PGR: variants seen among roughly 807,000 people sequenced by gnomAD.
PGR encodes the protein nuclear receptor subfamily 3 group C member 3.
A neutral mutation model predicts 76.1 loss-of-function variants in PGR; 25 were observed. The ratio of observed to expected loss-of-function variants is 0.33; its 90% CI spans 0.24 to 0.46. The LOEUF (loss-of-function observed/expected upper bound fraction) is 0.46. Ranked by LOEUF, PGR falls within the 20% of genes least tolerant of loss-of-function variation. PGR has a pLI of 1.00. For synonymous variants in PGR, 579 were observed against 535.0 expected, an observed-to-expected ratio of 1.08 and a Z score of -1.14; for missense variants, 1,172 against 1,225.3, an observed-to-expected ratio of 0.96 and a Z score of 0.65.
Position 101,085,525 on chromosome 11 carries a change from T to TAAAAAAA in PGR, c.1906+6228_1906+6234dup, listed in dbSNP as rs1212568882. Among the ~76,000 whole-genome samples, 187 of 42,240 alleles carry TAAAAAAA rather than the reference T, an allele frequency of 4.4e-3. 1 individual carries two copies. The highest frequency in any genetic ancestry group is 5.8e-3 in the Non-Finnish European group (148 of 25,722). 27.7% of individuals were successfully genotyped at this position (42,240 alleles called of 152,430 possible). On this transcript the variant is annotated intron_variant, in intron 3 of 7. Transcript: ENST00000325455. Reference sequence around the variant, plus strand: ...GACCTAACATCACACCTAGAGGAACTAAAAAAAAAAAAAAAAAAAAAAAAA... The same window carrying TAAAAAAA: ...GACCTAACATCACACCTAGAGGAACTAAAAAAAAAAAAAAAAAAAAAAAAAAAAAAAA...
At chr11:101,110,056 C>CT (rs1458868188) in intron 2 of PGR, among the ~76,000 whole-genome samples, 1 of 152,156 alleles carries the variant, frequency 6.6e-6, no homozygotes, top group Non-Finnish European at 1.5e-5. Context: ...TTTAAGCCCA[C>CT]TGTTGAGACC....
chr11:101,058,668 CCT>C (rs1214285215), intron 4 of PGR, among the ~76,000 whole-genome samples: 1 of 152,094 alleles, frequency 6.6e-6, no homozygotes, highest in East Asian at 1.9e-4. Flanking sequence ...CCTCATACCC[CCT>C]CTGTCACATC....
intron 6 of PGR, among the ~76,000 whole-genome samples, chr11:101,046,183 T>G (rs1859873336): frequency 6.6e-6 from 1 of 151,166 alleles, no homozygotes; most frequent in African/African-American, 2.4e-5. Flanking sequence ...AGGAGTACAG[T>G]GGCACAATCA....
Position 101,065,287 on chromosome 11 carries a change from C to A in PGR, c.1907-2535G>T, listed in dbSNP as rs113280605. Among the ~76,000 whole-genome samples the A allele has an allele frequency of 3.6e-3, 526 of 146,692 alleles. 3 individuals carry two copies. Among genetic ancestry groups the A allele is most frequent in the African/African-American group, 0.013 (505 of 39,566 alleles). On this transcript the variant is annotated intron_variant, in intron 3 of 7. Coordinates refer to ENST00000325455, the MANE Select transcript of PGR (RefSeq NM_000926.4). ...TAAGTTATTAAAGTAGTTGTTTTGA[C>A]CTAACATAGCTTAAAAAAGAATATG... is the stretch of plus-strand genomic sequence containing the variant.
intron 3 of PGR, among the ~76,000 whole-genome samples, chr11:101,077,581 AAAT>A (rs1336674456): frequency 6.6e-6 from 1 of 152,224 alleles, no homozygotes; most frequent in Non-Finnish European, 1.5e-5. Flanking sequence ...TGAGTCTAGA[AAAT>A]AATAAATGCT....
chr11:101,041,520 A>G (rs1859693643), intron 7 of PGR: 1 of 165,008 alleles, frequency 6.1e-6, no homozygotes, highest in Non-Finnish European at 1.3e-5. Context: ...AAAGCATGCA[A>G]ATTTTAACTT....
intron 7 of PGR, among the ~76,000 whole-genome samples, chr11:101,039,797 T>C (rs549296809): frequency 1.3e-5 from 2 of 152,112 alleles, no homozygotes; most frequent in East Asian, 1.9e-4. Context: ...GCAGCATCAA[T>C]AGAGCCTAGC....
rs939081513 is a variant in PGR at position 101,034,197 on chromosome 11, G to A, written c.*4919C>T. The A allele has an allele frequency of 1.4e-4, 31 of 223,408 alleles. No homozygotes were observed. The highest frequency in any genetic ancestry group is 1.4e-3 in the Middle Eastern group (1 of 736). The allele number at this position is 223,408 out of a possible 1,614,324, so 13.8% of individuals were successfully genotyped here. On this transcript the variant is annotated 3_prime_UTR_variant, in exon 8 of 8. Transcript: ENST00000325455. ...GAGTGGAAAAAAAGCAAACAAACCT[G>A]TGTTTAACAATAAGGTCAGCATGAC...
chr11:101,061,651 T>C (rs1860502862), intron 4 of PGR, among the ~76,000 whole-genome samples: 1 of 152,212 alleles, frequency 6.6e-6, no homozygotes, highest in Non-Finnish European at 1.5e-5. Flanking sequence ...GAAGAGAATG[T>C]AGTTTTTTAA....
intron 2 of PGR, among the ~76,000 whole-genome samples, chr11:101,096,147 TC>T (rs1861824517): frequency 6.6e-6 from 1 of 152,184 alleles, no homozygotes; most frequent in African/African-American, 2.4e-5. Context: ...GACTTAGATG[TC>T]CAATATTTAA....
chr11:101,029,762 T>G lies in PGR; in HGVS notation c.*9354A>C. 4.6e-6 allele frequency: 1 copy of G among 217,650 alleles called. No individual in the cohort carries two copies. The highest frequency in any genetic ancestry group is 9.2e-6 in the Non-Finnish European group (1 of 108,168). The allele number at this position is 217,650 out of a possible 1,614,324, so 13.5% of individuals were successfully genotyped here. A position where few individuals can be genotyped will look rare whatever the true frequency, so the allele number is the denominator to read the frequency against. Reference sequence around the variant, plus strand: ...ATTTAACATAAAACACTTGTCAAGCTGAGTAGACTGTTTTCTTATGTGAAC... The same window carrying G: ...ATTTAACATAAAACACTTGTCAAGCGGAGTAGACTGTTTTCTTATGTGAAC... On this transcript the variant is annotated 3_prime_UTR_variant, in exon 8 of 8. Coordinates refer to ENST00000325455, the MANE Select transcript of PGR (RefSeq NM_000926.4).
chr11:101,076,559 A>T (rs1861135012), intron 3 of PGR, among the ~76,000 whole-genome samples: 1 of 152,058 alleles, frequency 6.6e-6, no homozygotes, highest in South Asian at 2.1e-4. Context: ...GATAAGATGA[A>T]GAGTCTAGGA....
chr11:101,086,917 T>A (rs1173280925), intron 3 of PGR, among the ~76,000 whole-genome samples: 3 of 151,646 alleles, frequency 2.0e-5, no homozygotes. Context: ...TACATAACAT[T>A]GCTAAAAGAA....
chr11:101,091,625 A>G (rs1292977063), intron 3 of PGR, 135 bp downstream of exon 3: 1 of 686,182 alleles, frequency 1.5e-6, no homozygotes, highest in African/African-American at 1.8e-5. Flanking sequence ...AGACACTCAC[A>G]TGTGCAGAGT....
intron 3 of PGR, among the ~76,000 whole-genome samples, chr11:101,089,811 A>G (rs1484301945): frequency 6.6e-6 from 1 of 152,214 alleles, no homozygotes; most frequent in African/African-American, 2.4e-5. Context: ...AATAGCTGTG[A>G]AGCCCGTAGA....
intron 3 of PGR, among the ~76,000 whole-genome samples, chr11:101,081,028 A>G (rs1333549190): frequency 6.6e-6 from 1 of 152,208 alleles, no homozygotes; most frequent in African/African-American, 2.4e-5. Flanking sequence ...AAAGTAGGAG[A>G]AAAAGAAAAC....
At chr11:101,099,866 C>T (rs1861943942) in intron 2 of PGR, among the ~76,000 whole-genome samples, 1 of 152,190 alleles carries the variant, frequency 6.6e-6, no homozygotes, top group Non-Finnish European at 1.5e-5. Context: ...AACTTCTCTT[C>T]CCACACGTTG....
rs184673645 is a variant in PGR at position 101,033,993 on chromosome 11, C to G, written c.*5123G>C. The stretch of plus-strand genomic sequence containing the variant: ...TACCATTTAAATATTTTATTCATAT[C>G]TATCCGAATATTGACCAGGACACTA... On this transcript the variant is annotated 3_prime_UTR_variant, in exon 8 of 8. Transcript: ENST00000325455. The G allele has an allele frequency of 4.4e-6, 1 of 229,602 alleles. No homozygotes were observed. Among genetic ancestry groups the G allele is most frequent in the African/African-American group, 2.2e-5 (1 of 45,262 alleles). The allele number at this position is 229,602 out of a possible 1,614,324, so 14.2% of individuals were successfully genotyped here. A position where few individuals can be genotyped will look rare whatever the true frequency, so the allele number is the denominator to read the frequency against.
chr11:101,089,659 G>C (rs921193406), intron 3 of PGR, among the ~76,000 whole-genome samples: 1 of 151,808 alleles, frequency 6.6e-6, no homozygotes, highest in Non-Finnish European at 1.5e-5. Flanking sequence ...GAAAGGGATG[G>C]GGTGCAAATT....
Sources: gnomAD v4.1 joint callset for allele counts (sites outside exome capture counted in the v4.1 genomes callset) on GRCh38, gnomAD v4.1.1 for gene constraint, MANE v1.5 for transcripts, NCBI Gene and HGNC (gene_info 2026-07-23, HGNC 2026-07-21) for gene names.